The following UBR3 variants were observed in gnomAD, a reference collection of about 807,000 sequenced individuals.
UBR3 encodes the protein E3 ubiquitin-protein ligase UBR3.
UBR3 carries 85 observed loss-of-function variants against 243.2 expected under a neutral mutation model. That is an observed-to-expected ratio of 0.35 (90% confidence interval 0.29 to 0.42). The LOEUF is 0.42. UBR3 is among the 10% of genes least tolerant of loss of function. The probability of loss-of-function intolerance (pLI) is 1.00; values close to 1 mark genes in which losing one functional copy is unlikely to be tolerated. For missense variants in UBR3, 1,686 were observed against 2,300.8 expected (o/e 0.73, Z 5.47); for synonymous variants, 748 against 799.8 (o/e 0.94, Z 1.09).
chr2:169,939,318 G>A (rs1249590052), intron 19 of UBR3, among the ~76,000 whole-genome samples: 1 of 151,028 alleles, frequency 6.6e-6, no homozygotes, highest in Non-Finnish European at 1.5e-5. Flanking sequence ...GAGTGCAGTG[G>A]CAGGATCTCT....
chr2:169,888,457 A>C (rs1173433685), intron 5 of UBR3, among the ~76,000 whole-genome samples: 1 of 152,132 alleles, frequency 6.6e-6, no homozygotes, highest in African/African-American at 2.4e-5. Flanking sequence ...TGACTTTAAA[A>C]TGTCTGACAT....
chr2:169,927,535 A>G (rs898852), intron 17 of UBR3, 130 bp downstream of exon 17: 7 of 712,314 alleles, frequency 9.8e-6, no homozygotes, highest in South Asian at 7.5e-5. Flanking sequence ...AAAGAAGAAC[A>G]CCAGTTGTGT....
rs1239860880 is a variant in UBR3 at position 169,925,727 on chromosome 2, C to T, written c.2131C>T (p.Pro711Ser). 4 of 1,548,498 alleles carry T rather than the reference C, an allele frequency of 2.6e-6. No individual in the cohort carries two copies. In the African/African-American group the frequency reaches 5.5e-5, roughly 21 times the overall value. ...QSHFCNSMID[P>S]DIYLLQVCAS... Reference sequence around the variant, plus strand: ...TCATTTCTGTAATTCCATGATTGATCCTGACATTTACCTGTTACAGGTAAG... The same window carrying T: ...TCATTTCTGTAATTCCATGATTGATTCTGACATTTACCTGTTACAGGTAAG... Residue 711 changes from proline to serine, a missense_variant, in exon 14 of 39, where the codon CCT (proline) becomes TCT (serine). This residue lies in a region of UBR3 where 346 missense variants were observed against 585.8 expected (regional missense o/e 0.59). Transcript: ENST00000272793.
intron 24 of UBR3, among the ~76,000 whole-genome samples, chr2:169,973,656 A>G (rs192424601): frequency 1.6e-4 from 25 of 152,310 alleles, no homozygotes; most frequent in Middle Eastern, 3.4e-3. Context: ...CTTAGTGACA[A>G]TTTGACTTCC....
intron 35 of UBR3, among the ~76,000 whole-genome samples, chr2:170,072,846 G>A (rs946850832): frequency 2.0e-5 from 3 of 152,104 alleles, no homozygotes; most frequent in African/African-American, 7.2e-5. Context: ...AGACTAATAA[G>A]CTTCTTTAAA....
Position 170,040,946 on chromosome 2 carries a change from C to T in UBR3, c.4621C>T (p.Leu1541Phe), listed in dbSNP as rs765732170. 3 of 1,613,448 alleles carry T rather than the reference C, an allele frequency of 1.9e-6. No individual in the cohort carries two copies. In the East Asian group the frequency reaches 6.7e-5, roughly 36 times the overall value. ...ILYHDVTSLL[L>F]IQILMMPQPL... is the part of the protein sequence containing the mutation. Reference sequence around the variant, plus strand: ...TTATCATGATGTAACATCCCTTTTGCTCATCCAGATCTTAATGATGCCACA... The same window carrying T: ...TTATCATGATGTAACATCCCTTTTGTTCATCCAGATCTTAATGATGCCACA... The change falls in exon 32 of 39, where the codon CTC becomes TTC. Residue 1541 changes from leucine (L) to phenylalanine (F), a missense_variant. This residue lies in a region of UBR3 where 371 missense variants were observed against 422.5 expected (regional missense o/e 0.88). Coordinates refer to ENST00000272793, the MANE Select transcript of UBR3 (RefSeq NM_172070.4).
intron 11 of UBR3, among the ~76,000 whole-genome samples, chr2:169,915,239 CTT>C (rs34781042): frequency 1.2e-4 from 18 of 147,992 alleles, no homozygotes; most frequent in Non-Finnish European, 1.3e-4. Context: ...AGGACAGTGA[CTT>C]TTTTTTTTTT....
rs908650149 is a variant in UBR3 at position 170,081,972 on chromosome 2, C to G, written c.*129C>G. 4.5e-5 allele frequency: 28 copies of G among 628,114 alleles called. No homozygotes were observed. The highest frequency in any genetic ancestry group is 6.1e-5 in the Non-Finnish European group (24 of 396,540). 38.9% of individuals were successfully genotyped at this position (628,114 alleles called of 1,614,324 possible). ...GAAAAAGAAAACATACATTATGAAG[C>G]CTTTCCAAAATTAGGTGCTTGGTAA... is the stretch of plus-strand genomic sequence containing the variant. On this transcript the variant is annotated 3_prime_UTR_variant, in exon 39 of 39. Coordinates refer to ENST00000272793, the MANE Select transcript of UBR3 (RefSeq NM_172070.4).
At chr2:169,981,089 C>A (rs550294218) in intron 24 of UBR3, among the ~76,000 whole-genome samples, 4 of 152,052 alleles carry the variant, frequency 2.6e-5, no homozygotes, top group Admixed American at 2.6e-4. Context: ...AAAGAAATAT[C>A]AATGAGTATA....
intron 29 of UBR3, among the ~76,000 whole-genome samples, chr2:170,011,407 G>A (rs1341870254): frequency 6.6e-6 from 1 of 151,884 alleles, no homozygotes; most frequent in Non-Finnish European, 1.5e-5. Flanking sequence ...AACTTACTTT[G>A]AATTAAGTTT....
In UBR3 at chr2:170,082,068, G is replaced by A. The variant is rs1186228361; in HGVS notation, c.*225G>A. ...TAATAACAAGTTAAATTATTCTTTA[G>A]TGGTCATTTTTTAAGTGCACAATTA... On this transcript the variant is annotated 3_prime_UTR_variant, in exon 39 of 39. Coordinates refer to ENST00000272793, the MANE Select transcript of UBR3 (RefSeq NM_172070.4). 3 of 347,966 alleles carry A rather than the reference G, an allele frequency of 8.6e-6. No homozygotes were observed. In the East Asian group the frequency reaches 1.3e-4, roughly 15 times the overall value. The allele number at this position is 347,966 out of a possible 1,614,324, so 21.6% of individuals were successfully genotyped here.
chr2:169,870,749 G>T (rs1457387551), intron 1 of UBR3, among the ~76,000 whole-genome samples: 5 of 151,190 alleles, frequency 3.3e-5, no homozygotes, highest in Non-Finnish European at 7.4e-5. Context: ...CGCCTCCCAG[G>T]TTCAAGCGAT....
intron 28 of UBR3, among the ~76,000 whole-genome samples, chr2:170,007,616 G>A (rs2089960329): frequency 6.6e-6 from 1 of 152,106 alleles, no homozygotes. Flanking sequence ...AAATTAGCCA[G>A]GCGTGGTGGC....
intron 1 of UBR3, among the ~76,000 whole-genome samples, chr2:169,864,909 A>C (rs1416945285): frequency 3.1e-5 from 4 of 130,384 alleles, no homozygotes; most frequent in African/African-American, 1.1e-4. Flanking sequence ...TCCGTCTCAA[A>C]AAAAAAAAAA....
intron 1 of UBR3, among the ~76,000 whole-genome samples, chr2:169,859,700 A>T (rs1462588330): frequency 9.4e-5 from 2 of 21,204 alleles, no homozygotes; most frequent in African/African-American, 1.5e-4. Flanking sequence ...CTGATATTTT[A>T]TTTATTTATT....
chr2:169,836,059 ATATATATATTTTTTTT>A (rs1558998956), intron 1 of UBR3, among the ~76,000 whole-genome samples: 3 of 40,952 alleles, frequency 7.3e-5, no homozygotes, highest in East Asian at 6.4e-4. Context: ...ATATATATAT[ATATATATATTTTTTTT>A]TTTTTTTTTT....
intron 29 of UBR3, among the ~76,000 whole-genome samples, chr2:170,010,192 T>C (rs1331245032): frequency 5.3e-5 from 8 of 152,202 alleles, no homozygotes; most frequent in African/African-American, 2.4e-5. Context: ...TACTAGTTAC[T>C]ACATTCTTGC....
At chr2:169,974,311 G>A (rs2088320307) in intron 24 of UBR3, among the ~76,000 whole-genome samples, 1 of 152,016 alleles carries the variant, frequency 6.6e-6, no homozygotes, top group Admixed American at 6.6e-5. Context: ...TTTCTTTGAT[G>A]GGAGACTTTT....
At chr2:170,032,230 G>T (rs1559203250) in intron 31 of UBR3, among the ~76,000 whole-genome samples, 1 of 151,846 alleles carries the variant, frequency 6.6e-6, no homozygotes, top group East Asian at 1.9e-4. Flanking sequence ...GTAAAAAAGG[G>T]CAGGGAGAGA....
Sources: allele counts gnomAD v4.1 joint callset (sites outside exome capture counted in the v4.1 genomes callset), GRCh38; gene constraint gnomAD v4.1.1; regional missense constraint gnomAD v4.1.1; transcripts MANE v1.5; gene names NCBI Gene and HGNC (gene_info 2026-07-23, HGNC 2026-07-21).